Variants in ANKS1B observed in about 807,000 individuals in gnomAD.
ANKS1B encodes the protein ankyrin repeat and sterile alpha motif domain containing 1B.
In ANKS1B, 36 loss-of-function variants were observed where a neutral mutation model predicts 148.3. The ratio of observed to expected loss-of-function variants is 0.24; its 90% confidence interval spans 0.19 to 0.32. ANKS1B has a LOEUF of 0.32. ANKS1B is among the 10% of genes least tolerant of loss of function. ANKS1B has a pLI of 1.00. For synonymous variants in ANKS1B, 542 were observed against 560.8 expected (o/e 0.97, Z 0.47); for missense variants, 1,157 against 1,542.6 (o/e 0.75, Z 4.19).
At chr12:98,927,416 A>C (rs2099809677) in intron 17 of ANKS1B, among the ~76,000 whole-genome samples, 1 of 152,112 alleles carries the variant, frequency 6.6e-6, no homozygotes, top group African/African-American at 2.4e-5. Context: ...AATAAAGAGT[A>C]CCAGTACAAG....
chr12:99,849,950 C>G (rs1181509865), intron 1 of ANKS1B, among the ~76,000 whole-genome samples: 1 of 151,920 alleles, frequency 6.6e-6, no homozygotes, highest in Non-Finnish European at 1.5e-5. Flanking sequence ...ATTTACATAC[C>G]TCTCTGTGGG....
intron 17 of ANKS1B, among the ~76,000 whole-genome samples, chr12:98,962,639 G>A (rs945466105): frequency 4.6e-5 from 7 of 152,060 alleles, no homozygotes; most frequent in Non-Finnish European, 8.8e-5. Context: ...CAGCCTCAGA[G>A]TACGCATTCT....
intron 9 of ANKS1B, among the ~76,000 whole-genome samples, chr12:99,593,611 T>G (rs978392385): frequency 6.6e-6 from 1 of 152,130 alleles, no homozygotes; most frequent in Non-Finnish European, 1.5e-5. Context: ...AAATGATCCT[T>G]AATTAAAACA....
At chr12:99,477,356 G>A (rs56856656) in intron 10 of ANKS1B, among the ~76,000 whole-genome samples, 6 of 152,074 alleles carry the variant, frequency 3.9e-5, no homozygotes, top group East Asian at 3.9e-4. Context: ...CAGTCCCTCC[G>A]CATCTCATTC....
At chr12:98,843,470 G>A (rs1478675006) in intron 17 of ANKS1B, among the ~76,000 whole-genome samples, 2 of 152,216 alleles carry the variant, frequency 1.3e-5, no homozygotes, top group Non-Finnish European at 2.9e-5. Flanking sequence ...CTGGCACCAT[G>A]CTTCTTGAAC....
chr12:98,874,540 A>C (rs1002799563), intron 17 of ANKS1B, among the ~76,000 whole-genome samples: 1 of 152,162 alleles, frequency 6.6e-6, no homozygotes, highest in African/African-American at 2.4e-5. Context: ...GGTGTTTAAG[A>C]GGTGACACTA....
chr12:98,955,811 T>C (rs2099861263), intron 17 of ANKS1B, among the ~76,000 whole-genome samples: 1 of 152,208 alleles, frequency 6.6e-6, no homozygotes, highest in South Asian at 2.1e-4. Flanking sequence ...GCTTTGGCAA[T>C]GTTGAGTTTG....
chr12:99,522,971 C>T (rs1447002822), intron 9 of ANKS1B, among the ~76,000 whole-genome samples: 2 of 152,156 alleles, frequency 1.3e-5, no homozygotes, highest in Admixed American at 1.3e-4. Flanking sequence ...AAGATCTTAG[C>T]AACAATCAGG....
At chr12:99,566,676 C>T (rs779168670) in intron 9 of ANKS1B, among the ~76,000 whole-genome samples, 3 of 152,146 alleles carry the variant, frequency 2.0e-5, no homozygotes, top group Non-Finnish European at 4.4e-5. Context: ...GAGCTCTGAG[C>T]TGACATGCAC....
chr12:99,633,098 TTA>T (rs1235581355), intron 9 of ANKS1B, among the ~76,000 whole-genome samples: 3 of 151,962 alleles, frequency 2.0e-5, no homozygotes, highest in Non-Finnish European at 4.4e-5. Context: ...TCATCATTTT[TTA>T]TGTCTGCATA....
intron 9 of ANKS1B, among the ~76,000 whole-genome samples, chr12:99,513,051 G>T (rs191320451): frequency 1.3e-5 from 2 of 150,632 alleles, no homozygotes; most frequent in East Asian, 3.9e-4. Context: ...GAACTTAAAA[G>T]TTGAAAGAAA....
chr12:99,224,658 T>A (rs753116504), intron 14 of ANKS1B, among the ~76,000 whole-genome samples: 1 of 152,150 alleles, frequency 6.6e-6, no homozygotes, highest in Non-Finnish European at 1.5e-5. Context: ...ATTAAACCTA[T>A]TTTCTGAAAA....
At chr12:98,969,064 C>G (rs1417192344) in intron 17 of ANKS1B, among the ~76,000 whole-genome samples, 1 of 152,226 alleles carries the variant, frequency 6.6e-6, no homozygotes, top group Non-Finnish European at 1.5e-5. Flanking sequence ...CACCCACACT[C>G]TCCTGTCCTA....
chr12:99,219,120 C>T (rs1263521889), intron 14 of ANKS1B, among the ~76,000 whole-genome samples: 1 of 152,142 alleles, frequency 6.6e-6, no homozygotes, highest in Non-Finnish European at 1.5e-5. Flanking sequence ...AGATGAGTCA[C>T]CAATGAATAG....
At chr12:98,816,277 T>G (rs1271420978) in intron 19 of ANKS1B, among the ~76,000 whole-genome samples, 1 of 152,154 alleles carries the variant, frequency 6.6e-6, no homozygotes, top group Non-Finnish European at 1.5e-5. Context: ...AATTATTCTT[T>G]CAAGCAGAAA....
At chr12:99,210,697 T>C (rs2083234002) in intron 14 of ANKS1B, among the ~76,000 whole-genome samples, 1 of 152,220 alleles carries the variant, frequency 6.6e-6, no homozygotes, top group African/African-American at 2.4e-5. Context: ...AGTTAGCAAA[T>C]TGGCTACTTG....
chr12:99,902,072 G>A (rs2093618843), intron 1 of ANKS1B, among the ~76,000 whole-genome samples: 1 of 152,146 alleles, frequency 6.6e-6, no homozygotes, highest in Non-Finnish European at 1.5e-5. Flanking sequence ...CAACAAGAGA[G>A]GTGCAGATTA....
rs1429426493 is a variant in ANKS1B, at chr12:99,818,991, A to G, written c.215+6318T>C. Among the ~76,000 whole-genome samples the G allele has an allele frequency of 3.3e-5, 5 of 151,954 alleles. No homozygotes were observed. The East Asian group carries it at 9.7e-4, about 29-fold the overall frequency. On this transcript the variant is annotated intron_variant, in intron 2 of 26. Coordinates refer to ENST00000683438, the MANE Select transcript of ANKS1B (RefSeq NM_001352186.2). ...CAAGATTCCCTGTAATTAAATCACA[A>G]CCAAAGATGTTTATTTCATACCATC...
chr12:98,923,984 C>T (rs570093018), intron 17 of ANKS1B, among the ~76,000 whole-genome samples: 1 of 152,298 alleles, frequency 6.6e-6, no homozygotes, highest in Non-Finnish European at 1.5e-5. Flanking sequence ...CCTTCCTGTT[C>T]AATTCCCACT....
Sources: allele counts gnomAD v4.1 joint callset (sites outside exome capture counted in the v4.1 genomes callset), GRCh38; gene constraint gnomAD v4.1.1; transcripts MANE v1.5; gene names NCBI Gene and HGNC (gene_info 2026-07-23, HGNC 2026-07-21).